DSCAML1: variants seen among roughly 807,000 people sequenced by gnomAD.
DSCAML1 encodes the protein DS cell adhesion molecule like 1.
Under a neutral mutation model 200.5 loss-of-function variants are expected in DSCAML1, and 38 were observed. The observed-to-expected ratio is 0.19, with a 90% CI of 0.15 to 0.25. The LOEUF is 0.25. Ranked by LOEUF, DSCAML1 falls within the 10% of genes least tolerant of loss-of-function variation. DSCAML1 has a pLI of 1.00. For missense variants in DSCAML1, 2,223 were observed against 2,858.8 expected (o/e 0.78, Z 5.07); for synonymous variants, 1,215 against 1,165.0 (o/e 1.04, Z -0.87).
intron 1 of DSCAML1, among the ~76,000 whole-genome samples, chr11:117,814,047 T>C (rs1372554856): frequency 4.6e-5 from 7 of 152,162 alleles, no homozygotes; most frequent in Non-Finnish European, 8.8e-5. Flanking sequence ...GTGATTTGTT[T>C]CTGCCCCACC....
chr11:117,681,178 C>T (rs1002813324), intron 3 of DSCAML1, among the ~76,000 whole-genome samples: 2 of 152,204 alleles, frequency 1.3e-5, no homozygotes, highest in Non-Finnish European at 2.9e-5. Context: ...TGACTCCCAG[C>T]AAACCCCTTT....
Position 117,518,831 on chromosome 11 carries a change from C to T in DSCAML1, c.1214-69G>A. ...AGAGACGGTCCCCCCAGCCACCCCA[C>T]CTCAGCAGGGGAGGAGGCAAAAAGC... is the stretch of plus-strand genomic sequence containing the variant. On this transcript the variant is annotated intron_variant, in intron 6 of 32. Coordinates refer to ENST00000651296, the MANE Select transcript of DSCAML1 (RefSeq NM_020693.4). This position sits in a 1 kb window ranked among gnomAD's most constrained non-coding sequence, Gnocchi z 6.3. 3 of 1,509,900 alleles carry T rather than the reference C, an allele frequency of 2.0e-6. No individual in the cohort carries two copies. The highest frequency in any genetic ancestry group is 2.3e-5 in the East Asian group (1 of 42,600). 93.5% of individuals were successfully genotyped at this position (1,509,900 alleles called of 1,614,324 possible).
chr11:117,579,261 C>T (rs2051002210), intron 3 of DSCAML1, among the ~76,000 whole-genome samples: 1 of 152,182 alleles, frequency 6.6e-6, no homozygotes, highest in African/African-American at 2.4e-5. Context: ...CAGAGCTTGC[C>T]ATAACACTTA....
At chr11:117,677,511 T>C (rs879102004) in intron 3 of DSCAML1, among the ~76,000 whole-genome samples, 3 of 150,890 alleles carry the variant, frequency 2.0e-5, no homozygotes, top group Non-Finnish European at 4.4e-5. Flanking sequence ...GAGGAAGTCC[T>C]GGGGCGGGAG....
At chr11:117,645,030 G>T (rs1477789905) in intron 3 of DSCAML1, among the ~76,000 whole-genome samples, 3 of 152,242 alleles carry the variant, frequency 2.0e-5, no homozygotes, top group Admixed American at 6.5e-5. Context: ...CCCCGAGGTG[G>T]GATGACCAGG....
chr11:117,646,854 G>GGA (rs1565848710), intron 3 of DSCAML1, among the ~76,000 whole-genome samples: 164 of 110,714 alleles, frequency 1.5e-3, no homozygotes, highest in East Asian at 7.5e-3. Context: ...AGAGAGAGAG[G>GGA]AAAAAAAAAA....
intron 3 of DSCAML1, among the ~76,000 whole-genome samples, chr11:117,707,434 G>A (rs568615597): frequency 3.0e-4 from 46 of 152,336 alleles, no homozygotes; most frequent in Non-Finnish European, 3.8e-4. Context: ...TGCTTTGGCA[G>A]TCTGAACATC....
At chr11:117,785,370 C>A (rs537680288) in intron 1 of DSCAML1, among the ~76,000 whole-genome samples, 5 of 152,140 alleles carry the variant, frequency 3.3e-5, no homozygotes, top group Admixed American at 3.3e-4. Flanking sequence ...GCTGGAAGAC[C>A]TGGATAGGTG....
chr11:117,492,802 C>T (rs1232543789), intron 11 of DSCAML1, among the ~76,000 whole-genome samples: 2 of 152,162 alleles, frequency 1.3e-5, no homozygotes, highest in Non-Finnish European at 2.9e-5. Context: ...AGGCTGGGGG[C>T]GGAGTGGGGA....
chr11:117,717,039 C>T (rs1397076021), intron 3 of DSCAML1, among the ~76,000 whole-genome samples: 3 of 152,168 alleles, frequency 2.0e-5, no homozygotes, highest in African/African-American at 7.2e-5. Context: ...CATCTGCTTT[C>T]TGTTTTGTTT....
At chr11:117,754,505 C>T (rs989533912) in intron 3 of DSCAML1, among the ~76,000 whole-genome samples, 13 of 151,596 alleles carry the variant, frequency 8.6e-5, no homozygotes, top group East Asian at 3.9e-4. Context: ...GATGGGGGAG[C>T]GGGGGGTGTG....
At position 117,524,861 on chromosome 11, in the gene DSCAML1, C is replaced by T; in HGVS notation, c.881G>A (p.Cys294Tyr). 1 of 1,603,456 alleles carries T rather than the reference C, an allele frequency of 6.2e-7. No homozygotes were observed. Residue 294 changes from cysteine to tyrosine, a missense_variant, in exon 5 of 33, where the codon TGT becomes TAT. Physicochemically the swap from Cys to Tyr is radical, Grantham distance 194. This residue lies in a region of DSCAML1 where 579 missense variants were observed against 721.5 expected (regional missense o/e 0.80). Transcript: ENST00000651296. ...LRTEDSGTYICEVTNTFGSAE... is the reference protein window; with the variant it reads ...LRTEDSGTYIYEVTNTFGSAE... ...CGAACCGAAGGTGTTGGTGACCTCA[C>T]AAATGTAGGTGCCGCTGTCCTCGGT...
At chr11:117,674,891 T>A (rs2053179298) in intron 3 of DSCAML1, among the ~76,000 whole-genome samples, 1 of 152,092 alleles carries the variant, frequency 6.6e-6, no homozygotes, top group Non-Finnish European at 1.5e-5. Flanking sequence ...TGGATGCTTG[T>A]CCTATAGGGA....
chr11:117,665,284 C>A (rs192092946), intron 3 of DSCAML1, among the ~76,000 whole-genome samples: 1 of 152,212 alleles, frequency 6.6e-6, no homozygotes, highest in Admixed American at 6.5e-5. Context: ...TCGGCTCGTA[C>A]GAGCTGGGCA....
intron 3 of DSCAML1, among the ~76,000 whole-genome samples, chr11:117,606,133 C>T (rs981777287): frequency 3.9e-5 from 6 of 152,122 alleles, no homozygotes; most frequent in East Asian, 1.9e-4. Flanking sequence ...AGAGCCGTGG[C>T]GACTCCTCTG....
intron 3 of DSCAML1, among the ~76,000 whole-genome samples, chr11:117,724,533 A>C (rs1490657742): frequency 1.3e-5 from 2 of 152,214 alleles, no homozygotes; most frequent in Non-Finnish European, 2.9e-5. Flanking sequence ...TATTCATTAA[A>C]ATGCTCAGAT....
At chr11:117,606,377 T>C (rs867388233) in intron 3 of DSCAML1, among the ~76,000 whole-genome samples, 29 of 152,108 alleles carry the variant, frequency 1.9e-4, no homozygotes, top group African/African-American at 6.5e-4. Context: ...GCTGTGAGAG[T>C]GCATAGCTGT....
chr11:117,526,487 A>G (rs1301559627), intron 4 of DSCAML1, among the ~76,000 whole-genome samples: 2 of 151,860 alleles, frequency 1.3e-5, no homozygotes, highest in South Asian at 2.1e-4. Flanking sequence ...TTTTTCTTTC[A>G]TTTTATTTTC....
rs1592680067 is a variant in DSCAML1, at chr11:117,509,568, C to G, written c.1784-3836G>C. Among the ~76,000 whole-genome samples, 3 of 152,288 alleles carry G rather than the reference C, an allele frequency of 2.0e-5. No homozygotes were observed. The South Asian group carries it at 6.2e-4, about 32-fold the overall frequency. ...GCTAGCCACTCACATCCGGTCAATA[C>G]ACACACCGGGCAGCCTGGAGGGGGA... is the stretch of plus-strand genomic sequence containing the variant. On this transcript the variant is annotated intron_variant, in intron 8 of 32. Coordinates refer to ENST00000651296, the MANE Select transcript of DSCAML1 (RefSeq NM_020693.4).
Sources: gnomAD v4.1 joint callset for allele counts (sites outside exome capture counted in the v4.1 genomes callset) on GRCh38, gnomAD v4.1.1 for gene constraint, gnomAD v4.1.1 regional missense constraint, Gnocchi (gnomAD v3.1) non-coding constraint, MANE v1.5 for transcripts, NCBI Gene and HGNC (gene_info 2026-07-23, HGNC 2026-07-21) for gene names.